CEP135: variants seen among roughly 807,000 people sequenced by gnomAD.
CEP135 encodes the protein centrosomal protein 135.
A neutral mutation model predicts 157.3 loss-of-function variants in CEP135; 142 were observed. That is an observed-to-expected ratio of 0.90 (90% CI 0.79 to 1.04). The LOEUF (loss-of-function observed/expected upper bound fraction) is 1.04. CEP135 is among the 50% of genes least tolerant of loss of function. CEP135 has a pLI of 0.00. For synonymous variants in CEP135, 396 were observed against 439.8 expected, an observed-to-expected ratio of 0.90 and a Z score of 1.25; for missense variants, 1,317 against 1,309.2, an observed-to-expected ratio of 1.01 and a Z score of -0.09.
intron 25 of CEP135, 31 bp downstream of exon 25, chr4:56,024,645 C>G (rs1731091926): frequency 7.2e-7 from 1 of 1,395,130 alleles, no homozygotes; most frequent in Non-Finnish European, 1.0e-6. Context: ...ACAGGCAAAA[C>G]TAATCTGTGG....
At chr4:56,007,532 G>A (rs1378042037) in intron 17 of CEP135, among the ~76,000 whole-genome samples, 1 of 152,224 alleles carries the variant, frequency 6.6e-6, no homozygotes, top group South Asian at 2.1e-4. Flanking sequence ...GGATGAGGAG[G>A]TAGTCCTACA....
At chr4:55,996,670 G>C (rs1418468341) in intron 15 of CEP135, among the ~76,000 whole-genome samples, 1 of 151,298 alleles carries the variant, frequency 6.6e-6, no homozygotes, top group African/African-American at 2.4e-5. Context: ...TAGACTCCTG[G>C]GAGAAATCTA....
intron 17 of CEP135, among the ~76,000 whole-genome samples, chr4:56,001,195 AT>A (rs1474661447): frequency 1.3e-5 from 2 of 152,128 alleles, no homozygotes; most frequent in African/African-American, 4.8e-5. Context: ...ATTTTCTCCC[AT>A]TCTGTAGGTT....
chr4:55,982,287 A>AG (rs1327921818), intron 13 of CEP135, among the ~76,000 whole-genome samples: 1 of 152,200 alleles, frequency 6.6e-6, no homozygotes, highest in Non-Finnish European at 1.5e-5. Flanking sequence ...ACTTGTATAC[A>AG]ACTTTTTGTC....
chr4:55,963,520 C>T (rs1467212629), intron 6 of CEP135, among the ~76,000 whole-genome samples: 4 of 152,106 alleles, frequency 2.6e-5, no homozygotes, highest in African/African-American at 7.2e-5. Flanking sequence ...CCGAGGCAGG[C>T]GGATCACCTG....
intron 15 of CEP135, among the ~76,000 whole-genome samples, chr4:55,993,335 T>C (rs550833814): frequency 6.6e-6 from 1 of 152,312 alleles, no homozygotes; most frequent in African/African-American, 2.4e-5. Context: ...AGTCTGAGAC[T>C]GTAGTTCATA....
At chr4:56,008,959 G>A (rs1176332158) in intron 18 of CEP135, among the ~76,000 whole-genome samples, 1 of 152,084 alleles carries the variant, frequency 6.6e-6, no homozygotes, top group Non-Finnish European at 1.5e-5. Context: ...GTGTAGTGGC[G>A]AGATCTCTGC....
At chr4:56,017,968 CTTT>C in intron 22 of CEP135, 111 bp downstream of exon 22, 1 of 843,116 alleles carries the variant, frequency 1.2e-6, no homozygotes, top group Non-Finnish European at 1.7e-6. Flanking sequence ...AGAGTAGTTA[CTTT>C]TTTTTTTGTG....
chr4:55,972,571 A>T (rs1231744436), intron 10 of CEP135, among the ~76,000 whole-genome samples: 1 of 152,158 alleles, frequency 6.6e-6, no homozygotes, highest in Non-Finnish European at 1.5e-5. Context: ...CCATGTGGAT[A>T]ATCTGTTTGA....
intron 2 of CEP135, 38 bp downstream of exon 2, chr4:55,952,281 C>A: frequency 8.6e-7 from 1 of 1,161,992 alleles, no homozygotes; most frequent in South Asian, 1.2e-5. Flanking sequence ...TTTATGATCC[C>A]TAACCACTTA....
At chr4:55,971,847 AG>A (rs1346431980) in intron 10 of CEP135, among the ~76,000 whole-genome samples, 1 of 152,170 alleles carries the variant, frequency 6.6e-6, no homozygotes, top group Non-Finnish European at 1.5e-5. Context: ...ACTTGGCATC[AG>A]GAACATATAA....
In CEP135 at chr4:55,965,790, A is replaced by G. The variant is rs1728823804; in HGVS notation, c.975A>G (p.Leu325=). Residue 325 remains leucine (L), a synonymous_variant, in exon 8 of 26, where the codon TTA becomes TTG. Transcript: ENST00000257287. ...AAGAATTAACTGAAATAGATCAGTT[A>G]GCACAGCAGTTGGAAAGACATAAAG... ...LCQELTEIDQ[L]AQQLERHKEE... is the part of the protein sequence containing the mutation. 1 of 1,613,922 alleles carries G rather than the reference A, an allele frequency of 6.2e-7. No individual in the cohort carries two copies. The highest frequency in any genetic ancestry group is 1.3e-5 in the African/African-American group (1 of 75,054).
rs3214045 is a variant in CEP135, at chr4:56,008,351, A to C, written c.2305A>C (p.Ile769Leu). Residue 769 changes from isoleucine (I) to leucine (L), a missense_variant, in exon 18 of 26, where the codon ATA becomes CTA. Ile to Leu is a conservative substitution (Grantham distance 5). Coordinates refer to ENST00000257287, the MANE Select transcript of CEP135 (RefSeq NM_025009.5). The stretch of plus-strand genomic sequence containing the variant: ...GGAAAAAGCTGTTGCTCAAATGAAG[A>C]TAATGATCTCAGAGTGTGAATCATC... ...NKEKAVAQMK[I>L]MISECESSVN... The C allele has an allele frequency of 0.24, 387,816 of 1,607,068 alleles. 49,515 individuals are homozygous for C. Among genetic ancestry groups the C allele is most frequent in the Non-Finnish European group, 0.27 (313,257 of 1,176,046 alleles).
rs937530115 is a variant in CEP135, at chr4:55,978,129, T to C, written c.1474-2014T>C. On this transcript the variant is annotated intron_variant, in intron 11 of 25. Transcript: ENST00000257287. Reference sequence around the variant, plus strand: ...TACAACAGATATATTTAAAGAAGAGTAGAGTTTCTGCTTAGGGAAGTCAGT... The same window carrying C: ...TACAACAGATATATTTAAAGAAGAGCAGAGTTTCTGCTTAGGGAAGTCAGT... Among the ~76,000 whole-genome samples, 3 of 151,930 alleles carry C rather than the reference T, an allele frequency of 2.0e-5. No homozygotes were observed. In the East Asian group the frequency reaches 5.8e-4, roughly 29 times the overall value.
In CEP135 at chr4:56,011,906, G is replaced by A. The variant is rs748947447; in HGVS notation, c.2723G>A (p.Arg908Gln). 17 of 1,604,552 alleles carry A rather than the reference G, an allele frequency of 1.1e-5. No individual in the cohort carries two copies. The highest frequency in any genetic ancestry group is 3.4e-5 in the Admixed American group (2 of 58,618). Residue 908 changes from arginine to glutamine, a missense_variant, in exon 21 of 26, where the codon CGA becomes CAA. Transcript: ENST00000257287. The stretch of plus-strand genomic sequence containing the variant: ...GCTGAGGGAGAAAGCAGCTCAGTTC[G>A]ACTGGAACTTCTTTCTATTGACACT... ...HQAEGESSSVRLELLSIDTER... is the reference protein window; with the variant it reads ...HQAEGESSSVQLELLSIDTER...
chr4:55,966,132 C>A (rs1236984069), intron 8 of CEP135: 4 of 343,616 alleles, frequency 1.2e-5, no homozygotes, highest in African/African-American at 8.6e-5. Context: ...CGATTTTTAT[C>A]TCTGCCCCTT....
intron 21 of CEP135, among the ~76,000 whole-genome samples, chr4:56,015,069 G>A (rs867373228): frequency 1.1e-4 from 16 of 151,962 alleles, no homozygotes; most frequent in South Asian, 4.2e-4. Context: ...AATAAACCAG[G>A]ACTTGATGAT....
chr4:56,018,867 G>A (rs1304127714), intron 22 of CEP135, among the ~76,000 whole-genome samples: 1 of 152,150 alleles, frequency 6.6e-6, no homozygotes, highest in Non-Finnish European at 1.5e-5. Context: ...AATTAAACAA[G>A]TCTATTTAGC....
intron 1 of CEP135, among the ~76,000 whole-genome samples, chr4:55,950,009 C>A (rs1157061757): frequency 6.6e-6 from 1 of 152,104 alleles, no homozygotes; most frequent in Non-Finnish European, 1.5e-5. Context: ...AAGTTTACAC[C>A]CTGCTAGTAA....
Sources: allele counts gnomAD v4.1 joint callset (sites outside exome capture counted in the v4.1 genomes callset), GRCh38; gene constraint gnomAD v4.1.1; transcripts MANE v1.5; gene names NCBI Gene and HGNC (gene_info 2026-07-23, HGNC 2026-07-21).